Variants in NME6 observed in about 807,000 individuals in gnomAD.
NME6 encodes the protein NME/NM23 nucleoside diphosphate kinase 6.
Under a neutral mutation model 22.2 loss-of-function variants are expected in NME6, and 16 were observed. The ratio of observed to expected loss-of-function variants is 0.72; its 90% CI spans 0.49 to 1.09. NME6 has a LOEUF of 1.09. Ranked by LOEUF, NME6 falls within the 50% of genes least tolerant of loss-of-function variation. NME6 has a pLI of 0.00. For synonymous variants in NME6, 58 were observed against 85.2 expected (o/e 0.68, Z 1.76); for missense variants, 229 against 239.0 (o/e 0.96, Z 0.28).
At chr3:48,288,076 A>G (rs2034259866), downstream of NME6, among the ~76,000 whole-genome samples, 1 of 152,124 alleles carries the variant, frequency 6.6e-6, no homozygotes, top group Non-Finnish European at 1.5e-5. Context: ...TACTGATTTA[A>G]GATTTTCTTT....
chr3:48,298,903 C>T, intron 1 of NME6: 1 of 699,892 alleles, frequency 1.4e-6, no homozygotes, highest in Non-Finnish European at 2.6e-6. Flanking sequence ...AGCCTATCCA[C>T]AAGGCCTATT....
Position 48,293,007 on chromosome 3 carries a change from C to T in NME6, c.*1630G>A, listed in dbSNP as rs2034667239. On this transcript the variant is annotated 3_prime_UTR_variant, in exon 6 of 6. Coordinates refer to ENST00000442597, the MANE Select transcript of NME6 (RefSeq NM_001308426.2). ...ACTTGGAGGGCAAGGGAGACCAAGG[C>T]TAACACACTGCCTGCTGTGCCCTGA... 1 of 152,260 alleles carries T rather than the reference C, an allele frequency of 6.6e-6. No homozygotes were observed. Among genetic ancestry groups the T allele is most frequent in the Non-Finnish European group, 1.5e-5 (1 of 68,076 alleles). The allele number at this position is 152,260 out of a possible 1,614,324, so 9.4% of individuals were successfully genotyped here.
chr3:48,301,258 C>T (rs1221745222), intron 1 of NME6, 95 bp downstream of exon 1: 5 of 1,586,394 alleles, frequency 3.2e-6, no homozygotes, highest in Admixed American at 1.8e-5. Context: ...CCTGCAACCG[C>T]GCAGCCCTCA....
intron 1 of NME6, 180 bp downstream of exon 1, chr3:48,301,173 T>TA: frequency 7.9e-7 from 1 of 1,260,142 alleles, no homozygotes; most frequent in Non-Finnish European, 1.1e-6. Context: ...CCTGCGCCCC[T>TA]ACCCCCGTGG....
downstream of NME6, among the ~76,000 whole-genome samples, chr3:48,290,337 C>T (rs1276023258): frequency 6.6e-6 from 1 of 151,814 alleles, no homozygotes. Context: ...TTATTTCTTA[C>T]TGTAAATGAC....
Position 48,293,813 on chromosome 3 carries a change from T to C in NME6, c.*824A>G, listed in dbSNP as rs1027436260. The C allele has an allele frequency of 6.6e-5, 10 of 152,172 alleles. No individual in the cohort carries two copies. The highest frequency in any genetic ancestry group is 2.4e-4 in the African/African-American group (10 of 41,436). The allele number at this position is 152,172 out of a possible 1,614,324, so 9.4% of individuals were successfully genotyped here. On this transcript the variant is annotated 3_prime_UTR_variant, in exon 6 of 6. Coordinates refer to ENST00000442597, the MANE Select transcript of NME6 (RefSeq NM_001308426.2). ...TGAATAGAGAATTTATGAAAATAAA[T>C]GTTTGCATAAGCTGATAAAGGAGAT...
Position 48,294,578 on chromosome 3 carries a change from T to C in NME6, c.*59A>G. 2.5e-6 allele frequency: 4 copies of C among 1,577,698 alleles called. No individual in the cohort carries two copies. In the South Asian group the frequency reaches 4.5e-5, roughly 18 times the overall value. ...AGGCTTCCCTGGTCCTAGGAGAATG[T>C]TTTAGACTAGATGTCTAGGAGAAGT... is the stretch of plus-strand genomic sequence containing the variant. On this transcript the variant is annotated 3_prime_UTR_variant, in exon 6 of 6. Transcript: ENST00000442597.
In NME6 at chr3:48,298,922, T is replaced by C. The variant is rs541846500; in HGVS notation, c.-7-399A>G. ...TATCCACAAGGCCTATTCATAATGA[T>C]GAATTCATCTCTTAAAATCTTCCAT... On this transcript the variant is annotated intron_variant, in intron 1 of 5. Coordinates refer to ENST00000442597, the MANE Select transcript of NME6 (RefSeq NM_001308426.2). The C allele has an allele frequency of 2.8e-4, 199 of 702,634 alleles. No homozygotes were observed. The African/African-American group carries it at 3.2e-3, about 11-fold the overall frequency. 43.5% of individuals were successfully genotyped at this position (702,634 alleles called of 1,614,324 possible).
chr3:48,298,385 A>T, intron 2 of NME6, 42 bp downstream of exon 2: 1 of 1,551,344 alleles, frequency 6.4e-7, no homozygotes, highest in Non-Finnish European at 8.9e-7. Context: ...AAGCAGTAGC[A>T]ATTCCCAGGG....
rs2034920168 is a variant in NME6, at chr3:48,295,065, G to C, written c.394+10C>G. The C allele has an allele frequency of 6.2e-7, 1 of 1,612,926 alleles. No individual in the cohort carries two copies. The highest frequency in any genetic ancestry group is 1.7e-5 in the Admixed American group (1 of 59,988). Reference sequence around the variant, plus strand: ...CCAAAATATCCTATGGCTATGGACAGGGGACTCACCCGAACCATGGGTGGT... The same window carrying C: ...CCAAAATATCCTATGGCTATGGACACGGGACTCACCCGAACCATGGGTGGT... On this transcript the variant is annotated intron_variant, in intron 5 of 5. Coordinates refer to ENST00000442597, the MANE Select transcript of NME6 (RefSeq NM_001308426.2).
rs375987418 is a variant in NME6 at position 48,298,724 on chromosome 3, G to A, written c.-7-201C>T. ...GGGATCAAGGGAGGGGAGTTGTAGA[G>A]GGAGCATTCAAGTTCCCCCGTGGAG... is the stretch of plus-strand genomic sequence containing the variant. On this transcript the variant is annotated intron_variant, in intron 1 of 5. Coordinates refer to ENST00000442597, the MANE Select transcript of NME6 (RefSeq NM_001308426.2). Among the ~76,000 whole-genome samples, 53 of 152,318 alleles carry A rather than the reference G, an allele frequency of 3.5e-4. 1 individual carries two copies. Among genetic ancestry groups the A allele is most frequent in the Admixed American group, 1.6e-3 (25 of 15,300 alleles).
At chr3:48,301,254 A>G (rs752563255) in intron 1 of NME6, 99 bp downstream of exon 1, 25 of 1,581,374 alleles carry the variant, frequency 1.6e-5, no homozygotes, top group Admixed American at 3.6e-5. Context: ...TAGGCCTGCA[A>G]CCGCGCAGCC....
rs1319072710 is a variant in NME6, at chr3:48,293,634, C to A, written c.*1003G>T. 6.6e-6 allele frequency: 1 copy of A among 152,188 alleles called. No homozygotes were observed. The highest frequency in any genetic ancestry group is 1.5e-5 in the Non-Finnish European group (1 of 68,032). 9.4% of individuals were successfully genotyped at this position (152,188 alleles called of 1,614,324 possible). ...CACCTCCTCACCCAGCCAAAGGAAA[C>A]CTTCTTTCCTCTGTTCTCCCACAGG... On this transcript the variant is annotated 3_prime_UTR_variant, in exon 6 of 6. Coordinates refer to ENST00000442597, the MANE Select transcript of NME6 (RefSeq NM_001308426.2).
chr3:48,290,677 A>G (rs2034390763), downstream of NME6: 1 of 153,794 alleles, frequency 6.5e-6, no homozygotes, highest in South Asian at 2.1e-4. Context: ...GTGTTTAACC[A>G]TATTCAGCTG....
At chr3:48,299,579 A>G (rs568858951) in intron 1 of NME6, among the ~76,000 whole-genome samples, 21 of 151,722 alleles carry the variant, frequency 1.4e-4, no homozygotes, top group Admixed American at 4.6e-4. Flanking sequence ...GTGTGTGTGT[A>G]TATATATATA....
At chr3:48,291,676 C>A (rs190557594), downstream of NME6, 2 of 153,608 alleles carry the variant, frequency 1.3e-5, no homozygotes, top group Admixed American at 1.3e-4. Context: ...TGAGCCACTG[C>A]GCCCAGCCTA....
At chr3:48,296,217 C>G (rs748970016) in intron 3 of NME6, 59 bp from the exon 4 acceptor site, 1 of 1,612,152 alleles carries the variant, frequency 6.2e-7, no homozygotes, top group Non-Finnish European at 8.5e-7. Context: ...AGGCAACTTT[C>G]TGTACTTCTA....
intron 2 of NME6, chr3:48,298,005 C>T (rs556789949): frequency 1.8e-4 from 43 of 236,674 alleles, no homozygotes; most frequent in East Asian, 1.2e-3. Context: ...GAATTCTTCC[C>T]CCAGACCCTC....
In NME6 at chr3:48,298,152, C is replaced by G. The variant is rs1575326146; in HGVS notation, c.90+275G>C. ...TAAGTGTTGTTTTAAGCTCTCAAGTCTGGAGTAATGTGTTATGTAGCAATA... is the reference window on the plus strand; with the variant it reads ...TAAGTGTTGTTTTAAGCTCTCAAGTGTGGAGTAATGTGTTATGTAGCAATA... On this transcript the variant is annotated intron_variant, in intron 2 of 5. Transcript: ENST00000442597. 1.1e-5 allele frequency: 5 copies of G among 453,418 alleles called. No individual in the cohort carries two copies. The East Asian group carries it at 2.3e-4, about 21-fold the overall frequency. The allele number at this position is 453,418 out of a possible 1,614,324, so 28.1% of individuals were successfully genotyped here.
Sources: allele counts gnomAD v4.1 joint callset (sites outside exome capture counted in the v4.1 genomes callset), GRCh38; gene constraint gnomAD v4.1.1; transcripts MANE v1.5; gene names NCBI Gene and HGNC (gene_info 2026-07-23, HGNC 2026-07-21).